The following GPATCH1 variants were observed in gnomAD, a reference collection of about 807,000 sequenced individuals.
GPATCH1 encodes the protein G-patch domain containing 1, also known as G patch domain-containing protein 1.
A neutral mutation model predicts 114.9 loss-of-function variants in GPATCH1; 73 were observed. The observed-to-expected ratio is 0.64, with a 90% CI of 0.53 to 0.77. The LOEUF (loss-of-function observed/expected upper bound fraction) is 0.77, where lower values mean the gene tolerates loss of function less well. Ranked by LOEUF, GPATCH1 falls within the 30% of genes least tolerant of loss-of-function variation. The pLI is 0.00. For synonymous variants in GPATCH1, 391 were observed against 428.4 expected, an observed-to-expected ratio of 0.91 and a Z score of 1.08; for missense variants, 1,058 against 1,144.3, an observed-to-expected ratio of 0.92 and a Z score of 1.09.
At chr19:33,096,174 G>T in intron 6 of GPATCH1, 33 bp from the exon 7 acceptor site, 2 of 1,605,138 alleles carry the variant, frequency 1.2e-6, no homozygotes, top group South Asian at 2.2e-5. Context: ...ATCCTTCAGT[G>T]ACTCACCTTA....
chr19:33,083,106 TGG>T (rs59963268), intron 1 of GPATCH1, among the ~76,000 whole-genome samples: 4 of 141,570 alleles, frequency 2.8e-5, no homozygotes, highest in African/African-American at 5.1e-5. Context: ...CTGGGCGTGG[TGG>T]GGGGGGGCTC....
At chr19:33,116,426 T>C (rs1208662369) in intron 15 of GPATCH1, among the ~76,000 whole-genome samples, 1 of 152,252 alleles carries the variant, frequency 6.6e-6, no homozygotes, top group Non-Finnish European at 1.5e-5. Flanking sequence ...CAACAAGTGA[T>C]TCTCTTAAAT....
At chr19:33,083,848 C>T (rs1296506819) in intron 1 of GPATCH1, among the ~76,000 whole-genome samples, 1 of 151,708 alleles carries the variant, frequency 6.6e-6, no homozygotes, top group Non-Finnish European at 1.5e-5. Flanking sequence ...TCGCTCTTGT[C>T]ACCCAGGCTG....
chr19:33,097,236 G>T (rs1292868897), intron 7 of GPATCH1, among the ~76,000 whole-genome samples: 3 of 152,160 alleles, frequency 2.0e-5, no homozygotes, highest in Non-Finnish European at 4.4e-5. Context: ...GAGCCACTGC[G>T]CCCGGCCCAC....
chr19:33,128,823 A>G (rs539261701), intron 19 of GPATCH1, among the ~76,000 whole-genome samples: 2 of 152,274 alleles, frequency 1.3e-5, no homozygotes, highest in African/African-American at 4.8e-5. Context: ...TGAGCACACC[A>G]CGGTATGTTT....
chr19:33,102,687 G>T (rs957014497), intron 9 of GPATCH1, among the ~76,000 whole-genome samples: 2 of 152,102 alleles, frequency 1.3e-5, no homozygotes, highest in South Asian at 4.1e-4. Context: ...GAGCCACCGC[G>T]CCCGGCCGCT....
intron 17 of GPATCH1, among the ~76,000 whole-genome samples, chr19:33,124,096 C>T (rs990679327): frequency 9.9e-5 from 15 of 151,986 alleles, no homozygotes; most frequent in African/African-American, 3.4e-4. Flanking sequence ...TCAAGTGATC[C>T]GCCCACCTCA....
Position 33,081,666 on chromosome 19 carries a change from G to A in GPATCH1, c.73+400G>A, listed in dbSNP as rs115079168. Among the ~76,000 whole-genome samples the A allele has an allele frequency of 1.9e-3, 293 of 152,230 alleles. 1 individual carries two copies. Among genetic ancestry groups the A allele is most frequent in the African/African-American group, 6.7e-3 (280 of 41,540 alleles). ...GCAGAAGGAACATAAAGTGGCAAAG[G>A]CCCTGAAGTGGGAGCCAGTTTAGGA... is the stretch of plus-strand genomic sequence containing the variant. On this transcript the variant is annotated intron_variant, in intron 1 of 19. Transcript: ENST00000170564.
In GPATCH1 at chr19:33,109,277, G is replaced by A. The variant is rs145329537; in HGVS notation, c.1286-440G>A. Among the ~76,000 whole-genome samples, 830 of 152,268 alleles carry A rather than the reference G, an allele frequency of 5.5e-3. 7 individuals carry two copies. Among genetic ancestry groups the A allele is most frequent in the African/African-American group, 0.019 (780 of 41,564 alleles). ...CACGCCTGTAATCCCAGCACTTTGG[G>A]AGGCCGAGGCGGGTGGATCACCTGA... On this transcript the variant is annotated intron_variant, in intron 10 of 19. Coordinates refer to ENST00000170564, the MANE Select transcript of GPATCH1 (RefSeq NM_018025.3).
At chr19:33,111,385 G>GAAAAAA (rs10709432) in intron 11 of GPATCH1, among the ~76,000 whole-genome samples, 1 of 88,146 alleles carries the variant, frequency 1.1e-5, no homozygotes, top group Non-Finnish European at 2.3e-5. Flanking sequence ...CTCCATCTCA[G>GAAAAAA]AAAAAAAAAA....
intron 9 of GPATCH1, among the ~76,000 whole-genome samples, chr19:33,105,384 CCTGGATGACAGAGCAAGACT>C (rs1439436323): frequency 4.2e-5 from 6 of 144,044 alleles, no homozygotes; most frequent in Admixed American, 1.4e-4. Flanking sequence ...TGCACTGCAG[CCTGGATGACAGAGCAAGACT>C]CTGTCTCAAA....
chr19:33,116,945 AGCACTTTGGGAG>A (rs1171234674), intron 15 of GPATCH1, among the ~76,000 whole-genome samples: 3 of 152,098 alleles, frequency 2.0e-5, no homozygotes, highest in Non-Finnish European at 4.4e-5. Flanking sequence ...CTATAATCCC[AGCACTTTGGGAG>A]GCTGAGGCAG....
intron 18 of GPATCH1, among the ~76,000 whole-genome samples, chr19:33,125,661 G>T (rs1300532782): frequency 6.6e-6 from 1 of 152,014 alleles, no homozygotes; most frequent in Non-Finnish European, 1.5e-5. Flanking sequence ...CAGGCATGAG[G>T]CACCATGCCC....
intron 10 of GPATCH1, 40 bp from the exon 11 acceptor site, chr19:33,109,677 A>C (rs1328746280): frequency 3.0e-6 from 4 of 1,322,866 alleles, no homozygotes; most frequent in African/African-American, 1.5e-5. Flanking sequence ...TGGTTGTCTC[A>C]TGGCTCTTTT....
chr19:33,125,060 T>C, intron 17 of GPATCH1, 45 bp from the exon 18 acceptor site: 7 of 1,556,860 alleles, frequency 4.5e-6, no homozygotes, highest in Non-Finnish European at 6.1e-6. Flanking sequence ...ATAGTCTTTG[T>C]TTTCGTGCTA....
intron 2 of GPATCH1, among the ~76,000 whole-genome samples, chr19:33,089,978 C>T (rs756255279): frequency 3.9e-5 from 6 of 152,178 alleles, no homozygotes; most frequent in Non-Finnish European, 7.3e-5. Context: ...CTCTGTCGCC[C>T]AGGCTTTAGT....
intron 3 of GPATCH1, 111 bp from the exon 4 acceptor site, chr19:33,093,248 G>T (rs1007213111): frequency 4.8e-5 from 31 of 648,690 alleles, no homozygotes; most frequent in Middle Eastern, 8.1e-4. Context: ...TGCTGATCCA[G>T]AACTAAATTT....
chr19:33,087,913 A>C (rs1218722152), intron 1 of GPATCH1, among the ~76,000 whole-genome samples: 3 of 151,964 alleles, frequency 2.0e-5, no homozygotes, highest in African/African-American at 7.3e-5. Context: ...AATGGAATTT[A>C]GTGGGAAAAG....
chr19:33,082,061 G>A lies in GPATCH1; in HGVS notation c.73+795G>A, dbSNP rs777014408. ...TTGAGAATACACTGGTTGGGGATGG[G>A]TAAGAGTGAAGCAGGGAGATTAGCA... On this transcript the variant is annotated intron_variant, in intron 1 of 19. Coordinates refer to ENST00000170564, the MANE Select transcript of GPATCH1 (RefSeq NM_018025.3). Among the ~76,000 whole-genome samples the A allele has an allele frequency of 7.5e-5, 9 of 119,798 alleles. 1 individual carries two copies. The highest frequency in any genetic ancestry group is 1.4e-4 in the Non-Finnish European group (8 of 57,384). The allele number at this position is 119,798 out of a possible 152,430, so 78.6% of individuals were successfully genotyped here. A position where few individuals can be genotyped will look rare whatever the true frequency, so the allele number is the denominator to read the frequency against.
Sources: allele counts gnomAD v4.1 joint callset (sites outside exome capture counted in the v4.1 genomes callset), GRCh38; gene constraint gnomAD v4.1.1; transcripts MANE v1.5; gene names NCBI Gene and HGNC (gene_info 2026-07-23, HGNC 2026-07-21).